The following TATDN2 variants were observed in gnomAD, a reference collection of about 807,000 sequenced individuals.
The protein encoded by TATDN2 is TatD DNase domain containing 2.
A neutral mutation model predicts 60.3 loss-of-function variants in TATDN2; 44 were observed. The observed-to-expected ratio is 0.73, with a 90% CI of 0.57 to 0.94. The LOEUF is 0.94. Ranked by LOEUF, TATDN2 falls within the 40% of genes least tolerant of loss-of-function variation. The pLI is 0.00. For synonymous variants in TATDN2, 399 were observed against 355.8 expected, an observed-to-expected ratio of 1.12 and a Z score of -1.37; for missense variants, 997 against 948.0, an observed-to-expected ratio of 1.05 and a Z score of -0.68.
At chr3:10,257,810 A>G (rs1576006353) in intron 2 of TATDN2, among the ~76,000 whole-genome samples, 1 of 129,638 alleles carries the variant, frequency 7.7e-6, no homozygotes, top group Admixed American at 8.5e-5. Flanking sequence ...AGATGTCTAT[A>G]TTAACAAGTA....
At position 10,270,394 on chromosome 3, in the gene TATDN2, T is replaced by C; in HGVS notation, c.1212T>C (p.Asp404=). The change falls in exon 4 of 8, where the codon GAT becomes GAC. Residue 404 remains aspartate, a synonymous_variant. Transcript: ENST00000448281. ...CCTCCACAGGCAGCAGCAGCAACGA[T>C]GCAGCCCAGGTTGGGAAGAGCAGCC... The part of the protein sequence containing the change: ...SYPSTGSSSN[D]AAQVGKSSRS... 1.2e-6 allele frequency: 2 copies of C among 1,614,216 alleles called. No individual in the cohort carries two copies. The highest frequency in any genetic ancestry group is 1.1e-5 in the South Asian group (1 of 91,084).
chr3:10,273,641 A>G (rs560434397), intron 4 of TATDN2, among the ~76,000 whole-genome samples: 31 of 151,944 alleles, frequency 2.0e-4, no homozygotes, highest in Non-Finnish European at 2.9e-4. Flanking sequence ...TCTGGGCAAG[A>G]TGATAGGGTG....
Position 10,249,379 on chromosome 3 carries a change from A to T in TATDN2, c.179A>T (p.Glu60Val). The T allele has an allele frequency of 6.2e-7, 1 of 1,613,318 alleles. No homozygotes were observed. The highest frequency in any genetic ancestry group is 8.5e-7 in the Non-Finnish European group (1 of 1,179,598). Residue 60 changes from glutamate to valine, a missense_variant, in exon 2 of 8, where the codon GAG becomes GTG. By Grantham distance (121) the Glu-to-Val change is moderately radical. Transcript: ENST00000448281. ...SSPKRLKAQK[E>V]DDVACSRRLS... is the part of the protein sequence containing the mutation. ...CCCAAGCGCCTGAAAGCCCAGAAGG[A>T]GGACGATGTGGCTTGCTCGCGGAGG...
At position 10,278,242 on chromosome 3, in the gene TATDN2, G is replaced by T; in HGVS notation, c.1962-37G>T. 2 of 1,596,304 alleles carry T rather than the reference G, an allele frequency of 1.3e-6. No individual in the cohort carries two copies. Among genetic ancestry groups the T allele is most frequent in the Non-Finnish European group, 1.7e-6 (2 of 1,167,654 alleles). On this transcript the variant is annotated intron_variant, in intron 5 of 7. Coordinates refer to ENST00000448281, the MANE Select transcript of TATDN2 (RefSeq NM_014760.4). This position sits in a 1 kb window ranked among gnomAD's most constrained non-coding sequence, Gnocchi z 4.7. ...GGGAGCTGGGGGCTGCTGCAGAGGG[G>T]ACTGTGAGCAGCCCTGATGTGGAGT...
chr3:10,249,562 A>G lies in TATDN2; in HGVS notation c.362A>G (p.Asn121Ser), dbSNP rs763231158. The G allele has an allele frequency of 1.9e-6, 3 of 1,552,582 alleles. No homozygotes were observed. The highest frequency in any genetic ancestry group is 2.0e-5 in the Admixed American group (1 of 49,484). Residue 121 changes from asparagine to serine, a missense_variant, in exon 2 of 8, where the codon AAC (asparagine) becomes AGC (serine). By Grantham distance (46) the Asn-to-Ser change is conservative. Transcript: ENST00000448281. ...GGGGGATCCCCTCTGCGTCCTGCCA[A>G]CGCCTCTTTGGAAGAAATGGCTTCT... ...SSGGSPLRPA[N>S]ASLEEMASLE...
intron 2 of TATDN2, among the ~76,000 whole-genome samples, chr3:10,251,752 T>C (rs369536674): frequency 1.1e-4 from 16 of 152,060 alleles, no homozygotes; most frequent in African/African-American, 3.9e-4. Flanking sequence ...TGAAGTGCAG[T>C]GGCGCAATCA....
chr3:10,267,485 A>G (rs1410533348), intron 3 of TATDN2, among the ~76,000 whole-genome samples: 2 of 152,186 alleles, frequency 1.3e-5, no homozygotes, highest in Non-Finnish European at 2.9e-5. Flanking sequence ...TTCATTTGAA[A>G]GAGGATCCAA....
intron 5 of TATDN2, among the ~76,000 whole-genome samples, chr3:10,277,485 G>A (rs761232001): frequency 4.6e-5 from 7 of 152,152 alleles, no homozygotes; most frequent in Non-Finnish European, 8.8e-5. Context: ...ATGCCTGGCC[G>A]GCTCCTTAAA....
rs757018114 is a variant in TATDN2, at chr3:10,279,001, C to T, written c.2262C>T (p.Asn754=). The stretch of plus-strand genomic sequence containing the variant: ...TCACCTTGGCTGCCTTGCGTGAGAA[C>T]ACCAGTCGCCTCTACAGTCTTTAAG... The part of the protein sequence containing the change: ...LSLTLAALRE[N]TSRLYSL The change falls in exon 7 of 8, where the codon AAC becomes AAT. Residue 754 remains asparagine, a synonymous_variant. Transcript: ENST00000448281. 5 of 1,614,256 alleles carry T rather than the reference C, an allele frequency of 3.1e-6. No individual in the cohort carries two copies. The highest frequency in any genetic ancestry group is 4.2e-6 in the Non-Finnish European group (5 of 1,180,038).
At chr3:10,276,697 T>G (rs1273762552) in intron 5 of TATDN2, among the ~76,000 whole-genome samples, 4 of 152,078 alleles carry the variant, frequency 2.6e-5, no homozygotes, top group Admixed American at 2.6e-4. Context: ...CAAACAATTC[T>G]CCTGCCTCAG....
At chr3:10,251,151 G>GT (rs1334856761) in intron 2 of TATDN2, among the ~76,000 whole-genome samples, 1 of 152,136 alleles carries the variant, frequency 6.6e-6, no homozygotes, top group Non-Finnish European at 1.5e-5. Flanking sequence ...GAGGGTTATT[G>GT]TGGGCCACGC....
At chr3:10,257,612 C>CAAAAAAAAAAAAAAAAAAAAAAAAAAAAA (rs919342302) in intron 2 of TATDN2, among the ~76,000 whole-genome samples, 1 of 108,284 alleles carries the variant, frequency 9.2e-6, no homozygotes, top group Non-Finnish European at 1.9e-5. Flanking sequence ...AAAAAAAAAA[C>CAAAAAAAAAAAAAAAAAAAAAAAAAAAAA]AAAAAAAAAA....
intron 4 of TATDN2, among the ~76,000 whole-genome samples, chr3:10,275,758 C>CA (rs1698626817): frequency 8.1e-4 from 1 of 1,234 alleles, no homozygotes; most frequent in African/African-American, 4.8e-3. Flanking sequence ...AAAAACAAAA[C>CA]AAAACAAAAC....
chr3:10,273,509 C>T (rs1486449704), intron 4 of TATDN2, among the ~76,000 whole-genome samples: 1 of 151,952 alleles, frequency 6.6e-6, no homozygotes, highest in African/African-American at 2.4e-5. Flanking sequence ...GTAATCCCAA[C>T]ACTTTGGGAG....
rs777365180 is a variant in TATDN2 at position 10,278,902 on chromosome 3, C to T, written c.2163C>T (p.Cys721=). The T allele has an allele frequency of 1.2e-5, 19 of 1,613,738 alleles. No individual in the cohort carries two copies. The highest frequency in any genetic ancestry group is 1.7e-4 in the Middle Eastern group (1 of 6,060). ...TCTTCCAGGTTCCCAAAAGCCTTTG[C>T]CAGTATGCCCACCCGGGCCTGGCCT... The part of the protein sequence containing the change: ...FLPRQVPKSL[C]QYAHPGLALH... The change falls in exon 7 of 8, where the codon TGC becomes TGT. Residue 721 remains cysteine, a synonymous_variant. Transcript: ENST00000448281. This position sits in a 1 kb window ranked among gnomAD's most constrained non-coding sequence, Gnocchi z 4.7.
In TATDN2 at chr3:10,278,973, C is replaced by G; in HGVS notation, c.2234C>G (p.Ser745Cys). The change falls in exon 7 of 8, where the codon TCC (serine) becomes TGC (cysteine). Residue 745 changes from serine (S) to cysteine (C), a missense_variant. Ser to Cys is a moderately radical substitution (Grantham distance 112). Transcript: ENST00000448281. The surrounding 1 kb of genome is among the most constrained non-coding windows in gnomAD (Gnocchi z 4.7). ...GCCAGAGTCAAAGATCAGCCACTCT[C>G]CCTCACCTTGGCTGCCTTGCGTGAG... ...EIARVKDQPL[S>C]LTLAALRENT... is the part of the protein sequence containing the mutation. 3.7e-6 allele frequency: 6 copies of G among 1,614,254 alleles called. No individual in the cohort carries two copies. Among genetic ancestry groups the G allele is most frequent in the South Asian group, 1.1e-5 (1 of 91,086 alleles).
At chr3:10,255,787 C>G (rs377118313) in intron 2 of TATDN2, among the ~76,000 whole-genome samples, 2 of 152,080 alleles carry the variant, frequency 1.3e-5, no homozygotes, top group Middle Eastern at 3.2e-3. Context: ...ACCAAAAATA[C>G]GAAATGTAGC....
At position 10,266,403 on chromosome 3, in the gene TATDN2, C is replaced by T. The variant is rs548561919; in HGVS notation, c.949-3728C>T. Among the ~76,000 whole-genome samples, 20 of 152,274 alleles carry T rather than the reference C, an allele frequency of 1.3e-4. No homozygotes were observed. In the South Asian group the frequency reaches 3.5e-3, roughly 27 times the overall value. On this transcript the variant is annotated intron_variant, in intron 3 of 7. Coordinates refer to ENST00000448281, the MANE Select transcript of TATDN2 (RefSeq NM_014760.4). ...TGGACGACAATTAGGTTTTCTCTTA[C>T]GTATCTATTTGGAGACAGCACAGTA... is the stretch of plus-strand genomic sequence containing the variant.
At chr3:10,250,262 A>C (rs1698201636) in intron 2 of TATDN2, among the ~76,000 whole-genome samples, 1 of 151,856 alleles carries the variant, frequency 6.6e-6, no homozygotes, top group Admixed American at 6.6e-5. Context: ...GAGCAGACCA[A>C]GGAGTGCTTC....
Sources: gnomAD v4.1 joint callset for allele counts (sites outside exome capture counted in the v4.1 genomes callset) on GRCh38, gnomAD v4.1.1 for gene constraint, Gnocchi (gnomAD v3.1) non-coding constraint, MANE v1.5 for transcripts, NCBI Gene and HGNC (gene_info 2026-07-23, HGNC 2026-07-21) for gene names.